Variants in DUS2 observed in about 807,000 individuals in gnomAD.
DUS2 encodes the protein tRNA-dihydrouridine(20) synthase [NAD(P)+]-like.
Under a neutral mutation model 71.3 loss-of-function variants are expected in DUS2, and 52 were observed. That is an observed-to-expected ratio of 0.73 (90% CI 0.58 to 0.92). The LOEUF is 0.92. Ranked by LOEUF, DUS2 falls within the 40% of genes least tolerant of loss-of-function variation. The pLI is 0.00. For synonymous variants in DUS2, 204 were observed against 227.8 expected, an observed-to-expected ratio of 0.90 and a Z score of 0.94; for missense variants, 558 against 622.6, an observed-to-expected ratio of 0.90 and a Z score of 1.10.
At chr16:68,055,361 GA>G (rs2033836910) in intron 6 of DUS2, among the ~76,000 whole-genome samples, 1 of 152,006 alleles carries the variant, frequency 6.6e-6, no homozygotes, top group African/African-American at 2.4e-5. Context: ...GACTGACGTG[GA>G]AGGATCACTT....
At position 68,074,108 on chromosome 16, in the gene DUS2, GCCC is replaced by G. The variant is rs749718152; in HGVS notation, c.887_889del (p.Pro296del). 6.2e-7 allele frequency: 1 copy of G among 1,614,172 alleles called. No individual in the cohort carries two copies. Among genetic ancestry groups the G allele is most frequent in the South Asian group, 1.1e-5 (1 of 91,090 alleles). Reference sequence around the variant, plus strand: ...AGATGCTACGAGAACAGCTGGAGTCGCCCCAGGGAAGGTTGCTCCATGCTGCCC... The same window carrying G: ...AGATGCTACGAGAACAGCTGGAGTCGCAGGGAAGGTTGCTCCATGCTGCCC... On this transcript the variant is annotated inframe_deletion, in exon 13 of 17. Transcript: ENST00000565263.
Position 68,025,411 on chromosome 16 carries a change from T to C in DUS2, c.-98-4T>C, listed in dbSNP as rs955481419. On this transcript the variant is annotated splice_region_variant and splice_polypyrimidine_tract_variant and intron_variant, in intron 1 of 16. Transcript: ENST00000565263. ...ATCCATTTCCATGTGCCACTGTTTT[T>C]CAGATATCAAACAAAGAATTACTCT... 4 of 152,152 alleles carry C rather than the reference T, an allele frequency of 2.6e-5. No individual in the cohort carries two copies. Among genetic ancestry groups the C allele is most frequent in the African/African-American group, 9.7e-5 (4 of 41,408 alleles). 9.4% of individuals were successfully genotyped at this position (152,152 alleles called of 1,614,324 possible).
intron 7 of DUS2, 88 bp from the exon 8 acceptor site, chr16:68,060,978 G>A: frequency 1.5e-6 from 2 of 1,309,778 alleles, no homozygotes. Context: ...TGAGTGCCGG[G>A]GTGACGCTCA....
chr16:68,066,767 C>T (rs1239323485), intron 10 of DUS2, 131 bp downstream of exon 10: 4 of 880,100 alleles, frequency 4.5e-6, no homozygotes, highest in Non-Finnish European at 7.3e-6. Context: ...CTGCCTAGCT[C>T]TTTGATATCT....
chr16:68,056,786 A>T (rs552437463), intron 7 of DUS2, among the ~76,000 whole-genome samples: 1 of 146,798 alleles, frequency 6.8e-6, no homozygotes, highest in South Asian at 2.1e-4. Context: ...ATACATATAT[A>T]GATTCATACA....
chr16:68,036,192 G>C (rs1398755510), intron 2 of DUS2, among the ~76,000 whole-genome samples: 1 of 138,838 alleles, frequency 7.2e-6, no homozygotes, highest in Non-Finnish European at 1.6e-5. Context: ...ACAGAGTCTT[G>C]CTCTGTCGCC....
intron 13 of DUS2, 23 bp from the exon 14 acceptor site, chr16:68,075,332 C>G: frequency 6.3e-7 from 1 of 1,579,462 alleles, no homozygotes. Context: ...AGTGTTTGCT[C>G]TGATCTGCTT....
intron 2 of DUS2, among the ~76,000 whole-genome samples, chr16:68,037,671 G>A (rs368717944): frequency 2.8e-4 from 43 of 151,856 alleles, no homozygotes; most frequent in African/African-American, 5.3e-4. Flanking sequence ...CGCCTGCCTC[G>A]GCCTCCCAAA....
In DUS2 at chr16:68,038,066, A is replaced by T. The variant is rs1480697812; in HGVS notation, c.43A>T (p.Ile15Phe). The change falls in exon 3 of 17, where the codon ATC (isoleucine) becomes TTC (phenylalanine). Residue 15 changes from isoleucine (I) to phenylalanine (F), a missense_variant. Transcript: ENST00000565263. The part of the protein sequence containing the change: ...SLSLCYHNKL[I>F]LAPMVRVGTL... ...CTCTCTGTGTTACCATAATAAGCTAATCCTGGCCCCAATGGTTCGGGTAGG... is the reference window on the plus strand; with the variant it reads ...CTCTCTGTGTTACCATAATAAGCTATTCCTGGCCCCAATGGTTCGGGTAGG... 3.1e-6 allele frequency: 5 copies of T among 1,613,882 alleles called. No homozygotes were observed. Among genetic ancestry groups the T allele is most frequent in the Non-Finnish European group, 4.2e-6 (5 of 1,179,966 alleles).
rs2033851483 is a variant in DUS2 at position 68,056,405 on chromosome 16, C to CA, written c.354dup (p.Gln119ThrfsTer17). 6.2e-7 allele frequency: 1 copy of CA among 1,613,406 alleles called. No individual in the cohort carries two copies. Among genetic ancestry groups the CA allele is most frequent in the Non-Finnish European group, 8.5e-7 (1 of 1,179,688 alleles). On this transcript the variant is annotated frameshift_variant, in exon 7 of 17. Coordinates refer to ENST00000565263, the MANE Select transcript of DUS2 (RefSeq NM_017803.5). LOFTEE classifies it high-confidence loss of function. The stretch of plus-strand genomic sequence containing the variant: ...GGTATTGATGTCAACATGGGCTGTC[C>CA]AAAACAATATTCCACCAAGGTAAAC...
chr16:68,042,495 G>A (rs1054232519), intron 3 of DUS2, among the ~76,000 whole-genome samples: 1 of 151,994 alleles, frequency 6.6e-6, no homozygotes, highest in Non-Finnish European at 1.5e-5. Flanking sequence ...AGCACACAAA[G>A]CTTCCGGTTT....
chr16:68,053,242 TA>T (rs2033805765), intron 4 of DUS2, among the ~76,000 whole-genome samples: 2 of 152,208 alleles, frequency 1.3e-5, no homozygotes, highest in Admixed American at 6.5e-5. Flanking sequence ...ATTACAGGCG[TA>T]AGCCACCATA....
chr16:68,029,647 A>G (rs1379756343), intron 2 of DUS2, among the ~76,000 whole-genome samples: 1 of 151,970 alleles, frequency 6.6e-6, no homozygotes, highest in Non-Finnish European at 1.5e-5. Flanking sequence ...GGGGTTTGCC[A>G]TGTTGCCCAG....
In DUS2 at chr16:68,076,613, C is replaced by T; in HGVS notation, c.1083-19C>T. 1 of 1,604,186 alleles carries T rather than the reference C, an allele frequency of 6.2e-7. No homozygotes were observed. Among genetic ancestry groups the T allele is most frequent in the Non-Finnish European group, 8.5e-7 (1 of 1,171,616 alleles). On this transcript the variant is annotated intron_variant, in intron 14 of 16. Transcript: ENST00000565263. ...CGGTGATGGTGGGTGACCCCAACTG[C>T]TTCCCTTCCTTTCCCCAGGAGAGCA...
intron 2 of DUS2, among the ~76,000 whole-genome samples, chr16:68,035,884 TTATATATATATATA>T (rs71145987): frequency 0.011 from 1,260 of 113,206 alleles, 17 homozygotes; most frequent in African/African-American, 0.027. Context: ...CCCGCTAATT[TTATATATATATATA>T]TATATATATA....
At chr16:68,063,863 C>T (rs930854590) in intron 8 of DUS2, among the ~76,000 whole-genome samples, 2 of 152,166 alleles carry the variant, frequency 1.3e-5, no homozygotes, top group African/African-American at 4.8e-5. Context: ...GCTGAGATTA[C>T]AGGCATGCAC....
chr16:68,035,708 G>GT lies in DUS2; in HGVS notation c.-18-2298_-18-2297insT, dbSNP rs1567469932. Among the ~76,000 whole-genome samples the GT allele has an allele frequency of 2.6e-3, 369 of 140,040 alleles. 4 individuals are homozygous for GT. Among genetic ancestry groups the GT allele is most frequent in the Middle Eastern group, 0.019 (5 of 268 alleles). 91.9% of individuals were successfully genotyped at this position (140,040 alleles called of 152,430 possible). A position where few individuals can be genotyped will look rare whatever the true frequency, so the allele number is the denominator to read the frequency against. On this transcript the variant is annotated intron_variant, in intron 2 of 16. Transcript: ENST00000565263. ...CTGGTCTCTCTTCTTCATTCTATGT[G>GT]GTTTTTTTTTTTGGTTTTTTTTTTT...
intron 8 of DUS2, among the ~76,000 whole-genome samples, chr16:68,061,493 G>A (rs1483427005): frequency 6.6e-6 from 1 of 152,204 alleles, no homozygotes; most frequent in Non-Finnish European, 1.5e-5. Context: ...GTATGTGTGT[G>A]GGTGGATTGG....
At chr16:68,073,911 G>T in intron 12 of DUS2, 123 bp from the exon 13 acceptor site, 3 of 1,232,100 alleles carry the variant, frequency 2.4e-6, no homozygotes, top group Non-Finnish European at 3.4e-6. Flanking sequence ...TCTTATGGGG[G>T]TCACATTGCC....
Sources: gnomAD v4.1 joint callset for allele counts (sites outside exome capture counted in the v4.1 genomes callset) on GRCh38, gnomAD v4.1.1 for gene constraint, MANE v1.5 for transcripts, NCBI Gene and HGNC (gene_info 2026-07-23, HGNC 2026-07-21) for gene names.